ZNG1E: variants seen among roughly 807,000 people sequenced by gnomAD.
The protein encoded by ZNG1E is Zn regulated GTPase metalloprotein activator 1E.
At chr9:65,687,319 T>C in the ZNG1E span, among the ~76,000 whole-genome samples, 1 of 141,348 alleles carries the variant, frequency 7.1e-6, no homozygotes, top group Non-Finnish European at 1.5e-5. Flanking sequence ...TGCTTCTCCA[T>C]TCCCGAGTTA....
At chr9:65,660,856 A>AG in the ZNG1E span, among the ~76,000 whole-genome samples, 1 of 142,436 alleles carries the variant, frequency 7.0e-6, no homozygotes, top group Non-Finnish European at 1.5e-5. Flanking sequence ...TATATATATA[A>AG]AATAAAAATT....
chr9:65,657,591 G>A, the ZNG1E span, among the ~76,000 whole-genome samples: 7 of 152,308 alleles, frequency 4.6e-5, no homozygotes, highest in African/African-American at 1.2e-4. Context: ...GTGGTGGGAG[G>A]TGGGTGGTTA....
At chr9:65,661,804 G>C in the ZNG1E span, among the ~76,000 whole-genome samples, 2 of 152,338 alleles carry the variant, frequency 1.3e-5, no homozygotes, top group South Asian at 4.1e-4. Flanking sequence ...TTGGGATGGT[G>C]AAAGTGTTCT....
At chr9:65,671,303 A>G in the ZNG1E span, among the ~76,000 whole-genome samples, 2 of 151,812 alleles carry the variant, frequency 1.3e-5, no homozygotes, top group African/African-American at 4.8e-5. Flanking sequence ...ACAAGGAAAC[A>G]GTATAGAAAA....
the ZNG1E span, among the ~76,000 whole-genome samples, chr9:65,694,396 G>A: frequency 6.8e-6 from 1 of 148,012 alleles, no homozygotes. Flanking sequence ...AGTTGGGTAT[G>A]GAGAAGAGTT....
the ZNG1E span, among the ~76,000 whole-genome samples, chr9:65,672,464 A>AAG: frequency 6.6e-6 from 1 of 151,422 alleles, no homozygotes; most frequent in South Asian, 2.1e-4. Flanking sequence ...AAAAAAAAAA[A>AAG]GCCCGGCACA....
the ZNG1E span, among the ~76,000 whole-genome samples, chr9:65,668,060 A>G: frequency 6.9e-6 from 1 of 145,206 alleles, no homozygotes; most frequent in Non-Finnish European, 1.5e-5. Context: ...GTATCAGTGC[A>G]TATTGTCAAG....
the ZNG1E span, among the ~76,000 whole-genome samples, chr9:65,663,985 T>C: frequency 6.6e-6 from 1 of 152,248 alleles, no homozygotes; most frequent in Non-Finnish European, 1.5e-5. Context: ...GTATAGCATA[T>C]ATATATATGA....
the ZNG1E span, among the ~76,000 whole-genome samples, chr9:65,722,702 T>TTTTTTTTTTG: frequency 7.6e-6 from 1 of 130,826 alleles, no homozygotes; most frequent in African/African-American, 2.9e-5. Context: ...AGCTAATTTT[T>TTTTTTTTTTG]TTTTTTTTTT....
chr9:65,703,818 A>T, the ZNG1E span: 1 of 970,844 alleles, frequency 1.0e-6, no homozygotes, highest in Non-Finnish European at 1.2e-6. Flanking sequence ...TTAGGCAGTA[A>T]CAGCAGCAGC....
At chr9:65,665,934 C>A in the ZNG1E span, among the ~76,000 whole-genome samples, 1 of 151,270 alleles carries the variant, frequency 6.6e-6, no homozygotes, top group African/African-American at 2.4e-5. Context: ...CTGTATTTAC[C>A]AATGCTGTAC....
At chr9:65,659,514 A>T in the ZNG1E span, among the ~76,000 whole-genome samples, 2 of 150,046 alleles carry the variant, frequency 1.3e-5, no homozygotes, top group African/African-American at 4.9e-5. Context: ...AAAAAAAAAA[A>T]GAGAGAGAAA....
At chr9:65,704,401 G>C in the ZNG1E span, 93 of 232,066 alleles carry the variant, frequency 4.0e-4, 2 homozygotes, top group East Asian at 0.03. Flanking sequence ...AAAATCTTCT[G>C]TGAATTCTTC....
the ZNG1E span, among the ~76,000 whole-genome samples, chr9:65,679,992 A>C: frequency 1.3e-5 from 2 of 152,288 alleles, no homozygotes; most frequent in Admixed American, 1.3e-4. Flanking sequence ...AAAACTCAAT[A>C]TTTTAAAAAG....
the ZNG1E span, chr9:65,732,846 T>A: frequency 6.5e-7 from 1 of 1,539,292 alleles, no homozygotes; most frequent in African/African-American, 1.5e-5. Context: ...AATTCACAAA[T>A]AATTGAAATT....
chr9:65,681,144 T>A, the ZNG1E span, among the ~76,000 whole-genome samples: 8 of 151,840 alleles, frequency 5.3e-5, no homozygotes, highest in Admixed American at 2.6e-4. Flanking sequence ...TTCAGCAGTT[T>A]GTCTAACAGA....
chr9:65,672,216 T>C, the ZNG1E span, among the ~76,000 whole-genome samples: 1 of 151,656 alleles, frequency 6.6e-6, no homozygotes, highest in African/African-American at 2.4e-5. Flanking sequence ...ATGCATTTAA[T>C]GTGCTTAACA....
the ZNG1E span, among the ~76,000 whole-genome samples, chr9:65,678,424 G>C: frequency 7.2e-6 from 1 of 138,970 alleles, no homozygotes; most frequent in Non-Finnish European, 1.5e-5. Context: ...CTAGTTGTAG[G>C]AAGATCTAGT....
the ZNG1E span, among the ~76,000 whole-genome samples, chr9:65,660,859 T>G: frequency 2.1e-5 from 3 of 139,796 alleles, no homozygotes. Context: ...ATATATAAAA[T>G]AAAAATTTAT....
Sources: gnomAD v4.1 joint callset for allele counts (sites outside exome capture counted in the v4.1 genomes callset) on GRCh38, gnomAD v4.1.1 for gene constraint, MANE v1.5 for transcripts, NCBI Gene and HGNC (gene_info 2026-07-23, HGNC 2026-07-21) for gene names.